DAP: variants seen among roughly 807,000 people sequenced by gnomAD.
DAP encodes death-associated protein 1.
A neutral mutation model predicts 13.8 loss-of-function variants in DAP; 8 were observed. The observed-to-expected ratio is 0.58, with a 90% CI of 0.34 to 1.05. DAP has a LOEUF of 1.05. Among genes scored for constraint, DAP ranks in the 50% least tolerant of loss-of-function variants. The pLI is 0.03. For synonymous variants in DAP, 47 were observed against 47.5 expected (o/e 0.99, Z 0.04); for missense variants, 106 against 133.2 (o/e 0.80, Z 1.01).
At position 10,679,599 on chromosome 5, in the gene DAP, C is replaced by T. The variant is rs1182451142; in HGVS notation, c.*1457G>A. The T allele has an allele frequency of 2.6e-5, 4 of 152,422 alleles. No individual in the cohort carries two copies. Among genetic ancestry groups the T allele is most frequent in the African/African-American group, 9.6e-5 (4 of 41,460 alleles). 9.4% of individuals were successfully genotyped at this position (152,422 alleles called of 1,614,324 possible). A position where few individuals can be genotyped will look rare whatever the true frequency, so the allele number is the denominator to read the frequency against. ...CCAAGTCTGGGTCTCTAAAAGCCAC[C>T]CTCAGTTTATACCAACTGATCAGGA... On this transcript the variant is annotated 3_prime_UTR_variant, in exon 4 of 4. Transcript: ENST00000230895.
intron 3 of DAP, 195 bp downstream of exon 3, chr5:10,683,334 G>C: frequency 1.5e-6 from 1 of 682,286 alleles, no homozygotes; most frequent in South Asian, 1.6e-5. Context: ...GAAAGGTAAA[G>C]GATGCGAGTC....
rs5745301 is a variant in DAP at position 10,679,661 on chromosome 5, G to C, written c.*1395C>G. ...ACAGGGCCTTGAAGGGTACATGCCG[G>C]CTTCCCTTAAGTTGATTAGATGGGA... On this transcript the variant is annotated 3_prime_UTR_variant, in exon 4 of 4. Coordinates refer to ENST00000230895, the MANE Select transcript of DAP (RefSeq NM_004394.3). The C allele has an allele frequency of 6.6e-6, 1 of 152,416 alleles. No homozygotes were observed. The highest frequency in any genetic ancestry group is 1.9e-4 in the East Asian group (1 of 5,338). 9.4% of individuals were successfully genotyped at this position (152,416 alleles called of 1,614,324 possible).
intron 2 of DAP, among the ~76,000 whole-genome samples, chr5:10,689,354 C>G (rs544244865): frequency 6.6e-6 from 1 of 152,254 alleles, no homozygotes; most frequent in South Asian, 2.1e-4. Flanking sequence ...AGGAGACCCC[C>G]AGCAGTAAGA....
intron 2 of DAP, among the ~76,000 whole-genome samples, chr5:10,742,924 A>ACCATCCATCCATCCATCCATCCAT (rs369437281): frequency 1.4e-3 from 192 of 134,294 alleles, no homozygotes; most frequent in African/African-American, 5.3e-3. Context: ...GTTTGTATCT[A>ACCATCCATCCATCCATCCATCCAT]CCATCCATCC....
At chr5:10,683,243 C>A (rs1036179770) in intron 3 of DAP, 2 of 500,338 alleles carry the variant, frequency 4.0e-6, no homozygotes, top group East Asian at 3.6e-5. Context: ...GGGTTCACTG[C>A]GGGGGTTTGC....
rs545742766 is a variant in DAP at position 10,752,198 on chromosome 5, T to C, written c.56-3927A>G. 2.0e-5 allele frequency among the ~76,000 whole-genome samples: 3 copies of C among 152,354 alleles called. No individual in the cohort carries two copies. In the East Asian group the frequency reaches 5.8e-4, roughly 29 times the overall value. ...GTGTCAAGGCTCAGTCACCCAGCAT[T>C]AGCACTTGCATTTAATTTAGTTTCT... On this transcript the variant is annotated intron_variant, in intron 1 of 3. Transcript: ENST00000230895.
intron 2 of DAP, among the ~76,000 whole-genome samples, chr5:10,699,184 C>G (rs189865977): frequency 3.3e-5 from 5 of 152,308 alleles, no homozygotes; most frequent in African/African-American, 1.2e-4. Flanking sequence ...ATCTACCTAC[C>G]TACCTACCTA....
At position 10,760,819 on chromosome 5, in the gene DAP, C is replaced by A. The variant is rs551186435; in HGVS notation, c.55+195G>T. Among the ~76,000 whole-genome samples, 45 of 152,118 alleles carry A rather than the reference C, an allele frequency of 3.0e-4. No individual in the cohort carries two copies. The East Asian group carries it at 8.2e-3, about 28-fold the overall frequency. On this transcript the variant is annotated intron_variant, in intron 1 of 3. Transcript: ENST00000230895. ...GCTTCGCCGCCGCCGGCAAGCGGGGCCGAAGCTCCGGCGGGCTCCTCCCGG... is the reference window on the plus strand; with the variant it reads ...GCTTCGCCGCCGCCGGCAAGCGGGGACGAAGCTCCGGCGGGCTCCTCCCGG...
intron 2 of DAP, among the ~76,000 whole-genome samples, chr5:10,735,838 G>A (rs183828883): frequency 9.2e-5 from 14 of 152,300 alleles, no homozygotes; most frequent in Admixed American, 7.8e-4. Context: ...GCCAGCTGAC[G>A]CCTAGTAGCA....
intron 1 of DAP, among the ~76,000 whole-genome samples, chr5:10,760,558 C>T (rs1005920049): frequency 6.6e-6 from 1 of 152,198 alleles, no homozygotes; most frequent in African/African-American, 2.4e-5. Flanking sequence ...TATTTCCGCT[C>T]CTTGGTTCTT....
At chr5:10,704,626 C>G (rs1047854355) in intron 2 of DAP, among the ~76,000 whole-genome samples, 5 of 152,144 alleles carry the variant, frequency 3.3e-5, no homozygotes, top group Non-Finnish European at 7.3e-5. Flanking sequence ...AAGTGAAACC[C>G]TTGGCAAAGC....
chr5:10,681,149 CG>C lies in DAP; in HGVS notation c.215del (p.Pro72ArgfsTer148), dbSNP rs777516488. The C allele has an allele frequency of 7.2e-6, 11 of 1,518,124 alleles. No homozygotes were observed. Among genetic ancestry groups the C allele is most frequent in the Admixed American group, 4.6e-5 (2 of 43,936 alleles). 94.0% of individuals were successfully genotyped at this position (1,518,124 alleles called of 1,614,324 possible). ...VIARGDKDFP[P>X]AAAQVAHQKP... ...TCTGGTGAGCCACCTGCGCAGCCGC[CG>C]GGGGGAAATCTTTGTCACCCTGTCA... On this transcript the variant is annotated frameshift_variant, in exon 4 of 4. Coordinates refer to ENST00000230895, the MANE Select transcript of DAP (RefSeq NM_004394.3). LOFTEE classifies it high-confidence loss of function.
chr5:10,743,708 C>T (rs1389540469), intron 2 of DAP, among the ~76,000 whole-genome samples: 1 of 152,154 alleles, frequency 6.6e-6, no homozygotes, highest in East Asian at 1.9e-4. Context: ...TATCTTATGA[C>T]ACTCGACAAA....
At chr5:10,757,041 G>A (rs922424965) in intron 1 of DAP, among the ~76,000 whole-genome samples, 7 of 152,168 alleles carry the variant, frequency 4.6e-5, no homozygotes, top group African/African-American at 1.7e-4. Flanking sequence ...ATGATGCAGT[G>A]CCATCCATCA....
At chr5:10,704,658 G>A (rs1024320382) in intron 2 of DAP, among the ~76,000 whole-genome samples, 1 of 152,142 alleles carries the variant, frequency 6.6e-6, no homozygotes, top group Non-Finnish European at 1.5e-5. Context: ...AATGTAATCA[G>A]GGAATTTTCC....
intron 2 of DAP, among the ~76,000 whole-genome samples, chr5:10,700,650 G>A (rs1738554505): frequency 1.3e-5 from 2 of 152,180 alleles, no homozygotes; most frequent in Admixed American, 1.3e-4. Flanking sequence ...CTTCCATCAG[G>A]TAAATATTCA....
At chr5:10,718,802 C>T (rs186077326) in intron 2 of DAP, among the ~76,000 whole-genome samples, 261 of 152,350 alleles carry the variant, frequency 1.7e-3, no homozygotes, top group Non-Finnish European at 2.9e-3. Flanking sequence ...AAGCAATTTG[C>T]CTTCATCTGG....
rs546542675 is a variant in DAP at position 10,703,410 on chromosome 5, G to C, written c.153-19839C>G. Among the ~76,000 whole-genome samples the C allele has an allele frequency of 3.9e-5, 6 of 152,268 alleles. No homozygotes were observed. The South Asian group carries it at 8.3e-4, about 21-fold the overall frequency. ...GTTGCAGCCCTGTGCACAGGCAGGG[G>C]GGGTGTCACCGACTCGCATGTGGGC... is the stretch of plus-strand genomic sequence containing the variant. On this transcript the variant is annotated intron_variant, in intron 2 of 3. Transcript: ENST00000230895.
At chr5:10,702,235 G>A (rs1283196675) in intron 2 of DAP, among the ~76,000 whole-genome samples, 1 of 152,174 alleles carries the variant, frequency 6.6e-6, no homozygotes, top group Admixed American at 6.5e-5. Flanking sequence ...TGACATCACC[G>A]GTCAGCGACC....
Sources: gnomAD v4.1 joint callset for allele counts (sites outside exome capture counted in the v4.1 genomes callset) on GRCh38, gnomAD v4.1.1 for gene constraint, MANE v1.5 for transcripts, NCBI Gene and HGNC (gene_info 2026-07-23, HGNC 2026-07-21) for gene names.